ESCO1: variants seen among roughly 807,000 people sequenced by gnomAD.
The protein encoded by ESCO1 is establishment of sister chromatid cohesion N-acetyltransferase 1.
A neutral mutation model predicts 83.5 loss-of-function variants in ESCO1; 33 were observed. That is an observed-to-expected ratio of 0.40 (90% confidence interval 0.30 to 0.53). The LOEUF is 0.53. Ranked by LOEUF, ESCO1 falls within the 20% of genes least tolerant of loss-of-function variation. ESCO1 has a pLI of 0.63. For missense variants in ESCO1, 855 were observed against 968.0 expected, an observed-to-expected ratio of 0.88 and a Z score of 1.55; for synonymous variants, 332 against 324.3, an observed-to-expected ratio of 1.02 and a Z score of -0.25.
chr18:21,530,252 T>C lies in ESCO1; in HGVS notation c.*91A>G. The C allele has an allele frequency of 2.6e-6, 3 of 1,150,338 alleles. No individual in the cohort carries two copies. Among genetic ancestry groups the C allele is most frequent in the Non-Finnish European group, 2.3e-6 (2 of 856,486 alleles). 71.3% of individuals were successfully genotyped at this position (1,150,338 alleles called of 1,614,324 possible). The stretch of plus-strand genomic sequence containing the variant: ...GTTGTTGCCAGTCCTGAGTTCATTG[T>C]AATAAAAATGGCCCTAGTTCCTGGT... On this transcript the variant is annotated 3_prime_UTR_variant, in exon 12 of 12. Coordinates refer to ENST00000269214, the MANE Select transcript of ESCO1 (RefSeq NM_052911.3).
At chr18:21,570,418 T>C (rs938040272) in intron 4 of ESCO1, among the ~76,000 whole-genome samples, 10 of 152,154 alleles carry the variant, frequency 6.6e-5, no homozygotes, top group South Asian at 2.1e-4. Context: ...AGTCTTTTCA[T>C]AGAAGAAAAG....
rs1471328963 is a variant in ESCO1 at position 21,575,350 on chromosome 18, T to C, written c.-507A>G. ...CGTTTCTTTCCTTGTTTGCTGAGTC[T>C]GTTGGTTTGCAGTTCTTATCTAACC... is the stretch of plus-strand genomic sequence containing the variant. On this transcript the variant is annotated 5_prime_UTR_variant, in exon 4 of 12. Transcript: ENST00000269214. 3.5e-5 allele frequency: 14 copies of C among 397,828 alleles called. No individual in the cohort carries two copies. The East Asian group carries it at 4.6e-4, about 13-fold the overall frequency. The allele number at this position is 397,828 out of a possible 1,614,324, so 24.6% of individuals were successfully genotyped here.
chr18:21,536,885 G>A (rs1598976578), intron 9 of ESCO1, among the ~76,000 whole-genome samples: 1 of 152,264 alleles, frequency 6.6e-6, no homozygotes, highest in Non-Finnish European at 1.5e-5. Context: ...TAAAACAAAA[G>A]TGAGTATAGA....
At position 21,530,270 on chromosome 18, in the gene ESCO1, T is replaced by C. The variant is rs2037749816; in HGVS notation, c.*73A>G. 3.0e-6 allele frequency: 4 copies of C among 1,343,614 alleles called. No individual in the cohort carries two copies. In the South Asian group the frequency reaches 8.7e-5, roughly 29 times the overall value. 83.2% of individuals were successfully genotyped at this position (1,343,614 alleles called of 1,614,324 possible). Reference sequence around the variant, plus strand: ...TTCATTGTAATAAAAATGGCCCTAGTTCCTGGTTAAAGTCAGCAACCAATC... The same window carrying C: ...TTCATTGTAATAAAAATGGCCCTAGCTCCTGGTTAAAGTCAGCAACCAATC... On this transcript the variant is annotated 3_prime_UTR_variant, in exon 12 of 12. Coordinates refer to ENST00000269214, the MANE Select transcript of ESCO1 (RefSeq NM_052911.3).
At chr18:21,535,684 T>G (rs1022431592) in intron 10 of ESCO1, among the ~76,000 whole-genome samples, 2 of 151,942 alleles carry the variant, frequency 1.3e-5, no homozygotes, top group African/African-American at 2.4e-5. Flanking sequence ...ACTCAGCTAA[T>G]TTTTGTATTT....
At chr18:21,598,220 T>G (rs1452761023) in intron 1 of ESCO1, among the ~76,000 whole-genome samples, 3 of 152,204 alleles carry the variant, frequency 2.0e-5, no homozygotes, top group African/African-American at 7.2e-5. Flanking sequence ...ATTCGAACTG[T>G]GCAGCGCTGG....
chr18:21,570,295 C>A lies in ESCO1; in HGVS notation c.1531-2201G>T, dbSNP rs560617576. The stretch of plus-strand genomic sequence containing the variant: ...AAATTATTTTGTAGAGAGGGAGTCT[C>A]ACTATGTTGCTCAAACTTGTCTAAA... On this transcript the variant is annotated intron_variant, in intron 4 of 11. Transcript: ENST00000269214. Among the ~76,000 whole-genome samples the A allele has an allele frequency of 1.6e-4, 25 of 152,030 alleles. No homozygotes were observed. In the South Asian group the frequency reaches 5.2e-3, roughly 32 times the overall value.
At chr18:21,587,957 C>T (rs1273308835) in intron 1 of ESCO1, among the ~76,000 whole-genome samples, 1 of 151,932 alleles carries the variant, frequency 6.6e-6, no homozygotes, top group African/African-American at 2.4e-5. Flanking sequence ...GGTCTGGTGA[C>T]ACATGCCGAT....
At chr18:21,590,526 C>A (rs918657116) in intron 1 of ESCO1, among the ~76,000 whole-genome samples, 5 of 152,054 alleles carry the variant, frequency 3.3e-5, no homozygotes, top group Non-Finnish European at 7.4e-5. Flanking sequence ...AGTCATGAAC[C>A]CTTTTTCTAT....
chr18:21,573,755 A>G lies in ESCO1; in HGVS notation c.1089T>C (p.Asn363=), dbSNP rs1796992435. ...TTGTTTTTCTACTTGGGAAAAAACGATTACATTGCACATCCTGATTTGTTT... is the reference window on the plus strand; with the variant it reads ...TTGTTTTTCTACTTGGGAAAAAACGGTTACATTGCACATCCTGATTTGTTT... ...QKETNQDVQC[N]RFFPSRKTKP... The change falls in exon 4 of 12, where the codon AAT becomes AAC. Residue 363 remains asparagine (N), a synonymous_variant. Transcript: ENST00000269214. 6.2e-7 allele frequency: 1 copy of G among 1,614,018 alleles called. No homozygotes were observed. The highest frequency in any genetic ancestry group is 8.5e-7 in the Non-Finnish European group (1 of 1,180,034).
rs1299604889 is a variant in ESCO1 at position 21,555,602 on chromosome 18, C to T, written c.1953+5257G>A. On this transcript the variant is annotated intron_variant, in intron 8 of 11. Transcript: ENST00000269214. ...GCATGGTGGCTTACACCCATAAAGT[C>T]AGCACCCTGGGCAACAAAACAAAAC... Among the ~76,000 whole-genome samples the T allele has an allele frequency of 2.0e-5, 3 of 151,546 alleles. No homozygotes were observed. The South Asian group carries it at 6.3e-4, about 32-fold the overall frequency.
chr18:21,541,571 T>A (rs1443192837), intron 8 of ESCO1, among the ~76,000 whole-genome samples: 1 of 130,124 alleles, frequency 7.7e-6, no homozygotes, highest in African/African-American at 3.0e-5. Context: ...CCAGCCTGGG[T>A]GACAGAGCGA....
At chr18:21,533,289 T>C (rs765291810) in intron 10 of ESCO1, among the ~76,000 whole-genome samples, 5 of 151,810 alleles carry the variant, frequency 3.3e-5, no homozygotes, top group Non-Finnish European at 5.9e-5. Flanking sequence ...AATAACACAA[T>C]TGGTTGTTTT....
chr18:21,546,748 T>C (rs1376321915), intron 8 of ESCO1, among the ~76,000 whole-genome samples: 1 of 152,160 alleles, frequency 6.6e-6, no homozygotes, highest in Admixed American at 6.6e-5. Flanking sequence ...GGTTTTGCCA[T>C]GTTCCCCAGG....
chr18:21,595,043 C>T (rs1340079779), intron 1 of ESCO1, among the ~76,000 whole-genome samples: 2 of 151,300 alleles, frequency 1.3e-5, no homozygotes, highest in African/African-American at 2.4e-5. Context: ...GACGGGGTTT[C>T]GCCATGTTGC....
At chr18:21,559,453 ATTGAT>A (rs1276373253) in intron 8 of ESCO1, among the ~76,000 whole-genome samples, 11 of 152,202 alleles carry the variant, frequency 7.2e-5, no homozygotes, top group African/African-American at 2.7e-4. Flanking sequence ...ATATTTCCTG[ATTGAT>A]TTATTTACTT....
At chr18:21,575,514 T>G (rs188155726) in intron 3 of ESCO1, 84 bp from the exon 4 acceptor site, 3 of 398,242 alleles carry the variant, frequency 7.5e-6, no homozygotes, top group Non-Finnish European at 1.3e-5. Context: ...TAACCTTGAT[T>G]TAAGGAAAAT....
chr18:21,532,085 A>G (rs1261678583), intron 11 of ESCO1, among the ~76,000 whole-genome samples: 1 of 152,162 alleles, frequency 6.6e-6, no homozygotes, highest in East Asian at 1.9e-4. Context: ...TTGATAGTTT[A>G]CAAATAATAT....
At chr18:21,537,608 T>G (rs1259491919) in intron 9 of ESCO1, among the ~76,000 whole-genome samples, 1 of 152,216 alleles carries the variant, frequency 6.6e-6, no homozygotes, top group Non-Finnish European at 1.5e-5. Context: ...CTCCTAATCC[T>G]GACACAGCAT....
Sources: gnomAD v4.1 joint callset for allele counts (sites outside exome capture counted in the v4.1 genomes callset) on GRCh38, gnomAD v4.1.1 for gene constraint, MANE v1.5 for transcripts, NCBI Gene and HGNC (gene_info 2026-07-23, HGNC 2026-07-21) for gene names.